DEPDC5: variants seen among roughly 807,000 people sequenced by gnomAD.
The protein encoded by DEPDC5 is GATOR1 complex protein DEPDC5.
In DEPDC5, 73 loss-of-function variants were observed where a neutral mutation model predicts 217.3. That is an observed-to-expected ratio of 0.34 (90% CI 0.28 to 0.41). The LOEUF is 0.41. DEPDC5 is among the 10% of genes least tolerant of loss of function. The pLI is 1.00. For synonymous variants in DEPDC5, 733 were observed against 756.7 expected (o/e 0.97, Z 0.51); for missense variants, 1,675 against 2,070.1 (o/e 0.81, Z 3.70).
At chr22:31,757,655 A>G (rs957993351) in intron 2 of DEPDC5, among the ~76,000 whole-genome samples, 5 of 152,218 alleles carry the variant, frequency 3.3e-5, no homozygotes, top group Admixed American at 3.3e-4. Context: ...AAAACAGCAA[A>G]ACAGTCATTC....
intron 31 of DEPDC5, among the ~76,000 whole-genome samples, chr22:31,849,033 T>C (rs1301523988): frequency 1.3e-5 from 2 of 152,168 alleles, no homozygotes; most frequent in African/African-American, 4.8e-5. Flanking sequence ...ATTGTTCATA[T>C]CACTATCAGC....
intron 33 of DEPDC5, among the ~76,000 whole-genome samples, chr22:31,865,792 A>T (rs2092673134): frequency 6.6e-6 from 1 of 152,224 alleles, no homozygotes; most frequent in Admixed American, 6.5e-5. Context: ...CCCTAATCTT[A>T]ACCTTGGAGA....
At chr22:31,838,302 C>T (rs1016553846) in intron 26 of DEPDC5, among the ~76,000 whole-genome samples, 2 of 151,680 alleles carry the variant, frequency 1.3e-5, no homozygotes, top group Non-Finnish European at 2.9e-5. Context: ...ATTTTCTTTT[C>T]TCTATCTCTT....
At chr22:31,801,950 A>G (rs2086907178) in intron 14 of DEPDC5, among the ~76,000 whole-genome samples, 1 of 151,398 alleles carries the variant, frequency 6.6e-6, no homozygotes. Flanking sequence ...CCAGATTTAC[A>G]AAGTCATCCC....
At chr22:31,899,358 G>A (rs2093608686) in intron 40 of DEPDC5, among the ~76,000 whole-genome samples, 1 of 151,820 alleles carries the variant, frequency 6.6e-6, no homozygotes, top group East Asian at 1.9e-4. Context: ...GATTTTCTCT[G>A]TTTAAAGCCA....
At chr22:31,866,261 GCCAGAC>G (rs1324560292) in intron 33 of DEPDC5, among the ~76,000 whole-genome samples, 20 of 152,154 alleles carry the variant, frequency 1.3e-4, no homozygotes, top group Non-Finnish European at 1.6e-4. Context: ...TTAATCAAAC[GCCAGAC>G]TTGGATTTTG....
At chr22:31,888,267 G>A (rs1355586364) in intron 38 of DEPDC5, among the ~76,000 whole-genome samples, 1 of 9,494 alleles carries the variant, frequency 1.1e-4, no homozygotes, top group African/African-American at 3.0e-4. Context: ...TTTTTTTTTT[G>A]GAGACGGAGT....
In DEPDC5 at chr22:31,893,764, A is replaced by G; in HGVS notation, c.4203+13A>G. On this transcript the variant is annotated intron_variant, in intron 39 of 42. Coordinates refer to ENST00000651528, the MANE Select transcript of DEPDC5 (RefSeq NM_001242896.3). ...ACTCTTCGAGATGGTGAGAACCTTC[A>G]TGCATGTTGTCAGGCCTTTGGCTCA... 1 of 1,586,000 alleles carries G rather than the reference A, an allele frequency of 6.3e-7. No homozygotes were observed. The highest frequency in any genetic ancestry group is 8.6e-7 in the Non-Finnish European group (1 of 1,167,354).
intron 37 of DEPDC5, among the ~76,000 whole-genome samples, chr22:31,876,952 A>G (rs761995879): frequency 6.6e-6 from 1 of 152,106 alleles, no homozygotes; most frequent in African/African-American, 2.4e-5. Flanking sequence ...CAAGAGCTCA[A>G]GACCAACATT....
At chr22:31,774,080 A>C (rs1352364688) in intron 7 of DEPDC5, among the ~76,000 whole-genome samples, 1 of 152,190 alleles carries the variant, frequency 6.6e-6, no homozygotes, top group Non-Finnish European at 1.5e-5. Context: ...TCAAAAAAAC[A>C]AAACAAAACA....
At chr22:31,773,504 C>T (rs1340639761) in intron 7 of DEPDC5, among the ~76,000 whole-genome samples, 1 of 152,066 alleles carries the variant, frequency 6.6e-6, no homozygotes, top group African/African-American at 2.4e-5. Context: ...CAGCTGGCCT[C>T]TTTTAGACTT....
At chr22:31,858,491 TGAA>T (rs1483909730) in intron 32 of DEPDC5, 1 of 152,196 alleles carries the variant, frequency 6.6e-6, no homozygotes, top group East Asian at 1.9e-4. Context: ...CACTGGGAGA[TGAA>T]GGAGATTCAA....
At position 31,815,181 on chromosome 22, in the gene DEPDC5, C is replaced by G. The variant is rs2088926279; in HGVS notation, c.1635C>G (p.Val545=). The G allele has an allele frequency of 1.2e-6, 2 of 1,614,046 alleles. No homozygotes were observed. The highest frequency in any genetic ancestry group is 2.7e-5 in the African/African-American group (2 of 74,898). ...ACCCCCACCTGCACCAGTATGAAGT[C>G]AGCAGCTCCTTGGGATACACCAGCA... The part of the protein sequence containing the change: ...IPHPHLHQYE[V]SSSLGYTSTR... The change falls in exon 21 of 43, where the codon GTC becomes GTG. Residue 545 remains valine (V), a synonymous_variant. Transcript: ENST00000651528.
chr22:31,899,556 AT>A (rs1339334942), intron 40 of DEPDC5, among the ~76,000 whole-genome samples: 1 of 151,636 alleles, frequency 6.6e-6, no homozygotes, highest in Admixed American at 6.6e-5. Flanking sequence ...TGCCCAGGTA[AT>A]TTTTTTTGTA....
chr22:31,902,411 T>C (rs1442662059), intron 41 of DEPDC5, among the ~76,000 whole-genome samples: 4 of 113,162 alleles, frequency 3.5e-5, no homozygotes, highest in Non-Finnish European at 5.7e-5. Context: ...CTCCTTATTA[T>C]ATATATATAT....
chr22:31,789,093 C>T (rs941682638), intron 10 of DEPDC5, among the ~76,000 whole-genome samples: 2 of 152,076 alleles, frequency 1.3e-5, no homozygotes, highest in Non-Finnish European at 2.9e-5. Context: ...GATGTGGTTT[C>T]ACCATGTTGG....
At chr22:31,792,492 G>C (rs1248137938) in intron 11 of DEPDC5, among the ~76,000 whole-genome samples, 1 of 151,056 alleles carries the variant, frequency 6.6e-6, no homozygotes, top group East Asian at 1.9e-4. Flanking sequence ...TGTAGTCCCA[G>C]CTACCCAGGA....
intron 31 of DEPDC5, among the ~76,000 whole-genome samples, chr22:31,852,465 C>G (rs757757279): frequency 6.6e-6 from 1 of 151,814 alleles, no homozygotes. Flanking sequence ...CTCAGCCTCC[C>G]GAGAAGCTGG....
chr22:31,877,291 G>T (rs2149273973), intron 37 of DEPDC5, among the ~76,000 whole-genome samples: 1 of 151,480 alleles, frequency 6.6e-6, no homozygotes, highest in South Asian at 2.1e-4. Flanking sequence ...AAAAAAATTA[G>T]CCGGGTGTGG....
Sources: allele counts gnomAD v4.1 joint callset (sites outside exome capture counted in the v4.1 genomes callset), GRCh38; gene constraint gnomAD v4.1.1; transcripts MANE v1.5; gene names NCBI Gene and HGNC (gene_info 2026-07-23, HGNC 2026-07-21).